Variants in NRXN1 observed in about 807,000 individuals in gnomAD.
NRXN1 encodes neurexin 1, also known as neurexin-1.
NRXN1 carries 39 observed loss-of-function variants against 150.9 expected under a neutral mutation model. That is an observed-to-expected ratio of 0.26 (90% CI 0.20 to 0.34). NRXN1 has a LOEUF of 0.34. NRXN1 is among the 10% of genes least tolerant of loss of function. The pLI is 1.00. For missense variants in NRXN1, 1,815 were observed against 1,949.9 expected, an observed-to-expected ratio of 0.93 and a Z score of 1.30; for synonymous variants, 924 against 757.0, an observed-to-expected ratio of 1.22 and a Z score of -3.62.
intron 21 of NRXN1, among the ~76,000 whole-genome samples, chr2:50,030,485 T>C (rs1475157678): frequency 1.3e-5 from 2 of 152,160 alleles, no homozygotes; most frequent in East Asian, 1.9e-4. Flanking sequence ...GTTTACTTTC[T>C]CCTCCTGTAA....
chr2:50,270,637 A>T (rs2069468832), intron 17 of NRXN1, among the ~76,000 whole-genome samples: 1 of 151,908 alleles, frequency 6.6e-6, no homozygotes, highest in South Asian at 2.1e-4. Flanking sequence ...CGTACAAGCA[A>T]ATTATATATT....
chr2:50,446,542 C>CTT (rs2086425007), intron 17 of NRXN1, among the ~76,000 whole-genome samples: 1 of 135,986 alleles, frequency 7.4e-6, no homozygotes, highest in Admixed American at 7.3e-5. Flanking sequence ...TCCTTCCCTC[C>CTT]CTTCCTTCCC....
intron 8 of NRXN1, among the ~76,000 whole-genome samples, chr2:50,554,228 T>C (rs1372699739): frequency 6.6e-6 from 1 of 152,150 alleles, no homozygotes; most frequent in Non-Finnish European, 1.5e-5. Flanking sequence ...GGGTGTTTTA[T>C]ATAATATATG....
intron 2 of NRXN1, among the ~76,000 whole-genome samples, chr2:50,980,932 C>G (rs1276428841): frequency 1.3e-5 from 2 of 152,072 alleles, no homozygotes; most frequent in Non-Finnish European, 2.9e-5. Context: ...AACACTTTAA[C>G]ACTTTAGGGC....
At chr2:50,900,759 G>C (rs1682816422) in intron 5 of NRXN1, among the ~76,000 whole-genome samples, 1 of 152,040 alleles carries the variant, frequency 6.6e-6, no homozygotes, top group South Asian at 2.1e-4. Context: ...ACAAGCCAGA[G>C]AGAGTGAAAC....
intron 5 of NRXN1, among the ~76,000 whole-genome samples, chr2:50,853,074 C>A (rs1257930908): frequency 6.6e-6 from 1 of 152,112 alleles, no homozygotes; most frequent in Non-Finnish European, 1.5e-5. Context: ...ACCACATATA[C>A]CCAGGAAGAT....
At chr2:50,504,994 C>T (rs1449560016) in intron 13 of NRXN1, among the ~76,000 whole-genome samples, 1 of 152,118 alleles carries the variant, frequency 6.6e-6, no homozygotes, top group Non-Finnish European at 1.5e-5. Flanking sequence ...TCCTTAACTT[C>T]TCTTCTGAAC....
Position 49,953,097 on chromosome 2 carries a change from A to G in NRXN1, c.4129-9306T>C, listed in dbSNP as rs918475834. On this transcript the variant is annotated intron_variant, in intron 21 of 22. Transcript: ENST00000401669. ...CTGCTACTGGGTAGTACTATGACCAATGTCACCTGATAAACTTTAACTTGG... is the reference window on the plus strand; with the variant it reads ...CTGCTACTGGGTAGTACTATGACCAGTGTCACCTGATAAACTTTAACTTGG... Among the ~76,000 whole-genome samples, 3 of 152,282 alleles carry G rather than the reference A, an allele frequency of 2.0e-5. No individual in the cohort carries two copies. In the East Asian group the frequency reaches 5.8e-4, roughly 29 times the overall value.
At chr2:50,647,646 C>G (rs969720) in intron 5 of NRXN1, among the ~76,000 whole-genome samples, 15,265 of 151,842 alleles carry the variant, frequency 0.1, 783 homozygotes, top group Admixed American at 0.11. Flanking sequence ...ATTCCACTTC[C>G]AAGTAATACA....
At chr2:50,567,743 TC>T (rs1183792492) in intron 8 of NRXN1, among the ~76,000 whole-genome samples, 6 of 152,152 alleles carry the variant, frequency 3.9e-5, no homozygotes, top group Non-Finnish European at 8.8e-5. Flanking sequence ...TCATTAGATA[TC>T]ATTAAAATTA....
intron 2 of NRXN1, among the ~76,000 whole-genome samples, chr2:51,021,155 A>G (rs777916234): frequency 2.0e-4 from 30 of 152,028 alleles, no homozygotes; most frequent in Non-Finnish European, 3.1e-4. Context: ...AAACCAAAAA[A>G]CTTTAAAAAA....
chr2:50,136,889 T>A (rs1706490586), intron 18 of NRXN1, among the ~76,000 whole-genome samples: 1 of 152,182 alleles, frequency 6.6e-6, no homozygotes, highest in Admixed American at 6.5e-5. Context: ...TGACCCACTT[T>A]AAGTACAAAA....
intron 5 of NRXN1, among the ~76,000 whole-genome samples, chr2:50,891,578 A>G (rs1308804411): frequency 6.6e-6 from 1 of 152,078 alleles, no homozygotes; most frequent in Non-Finnish European, 1.5e-5. Flanking sequence ...ATAAAAATTA[A>G]TCATTACTTG....
chr2:50,723,578 A>T (rs1388838266), intron 5 of NRXN1, among the ~76,000 whole-genome samples: 2 of 152,246 alleles, frequency 1.3e-5, no homozygotes, highest in Non-Finnish European at 2.9e-5. Flanking sequence ...GGGCCAGCTC[A>T]TCTGAATTCA....
intron 18 of NRXN1, among the ~76,000 whole-genome samples, chr2:50,102,951 T>C (rs1157716073): frequency 6.6e-6 from 1 of 152,046 alleles, no homozygotes. Context: ...AAGTAAAATA[T>C]ATTATTTGCA....
chr2:50,969,977 G>T (rs1156582741), intron 2 of NRXN1, among the ~76,000 whole-genome samples: 2 of 152,168 alleles, frequency 1.3e-5, no homozygotes, highest in Non-Finnish European at 2.9e-5. Context: ...GATATACTGA[G>T]TGGGGAAACC....
chr2:50,835,710 G>T (rs1349788819), intron 5 of NRXN1, among the ~76,000 whole-genome samples: 2 of 152,066 alleles, frequency 1.3e-5, no homozygotes, highest in Admixed American at 1.3e-4. Context: ...AATGCTAAAA[G>T]AATCAACATA....
At chr2:50,979,368 C>T (rs1696414276) in intron 2 of NRXN1, 3 of 447,622 alleles carry the variant, frequency 6.7e-6, no homozygotes, top group African/African-American at 2.0e-5. Flanking sequence ...TTAACAAATA[C>T]CTTGGAAACT....
chr2:50,408,973 G>A (rs866131753), intron 17 of NRXN1, among the ~76,000 whole-genome samples: 2 of 151,632 alleles, frequency 1.3e-5, no homozygotes, highest in Non-Finnish European at 2.9e-5. Flanking sequence ...TTGAGAGCAG[G>A]AAAAAAAATT....
Sources: gnomAD v4.1 joint callset for allele counts (sites outside exome capture counted in the v4.1 genomes callset) on GRCh38, gnomAD v4.1.1 for gene constraint, MANE v1.5 for transcripts, NCBI Gene and HGNC (gene_info 2026-07-23, HGNC 2026-07-21) for gene names.